Variants in INSC observed in about 807,000 individuals in gnomAD.
The protein encoded by INSC is INSC spindle orientation adaptor protein.
In INSC, 67 loss-of-function variants were observed where a neutral mutation model predicts 58.6. The observed-to-expected ratio is 1.14, with a 90% CI of 0.94 to 1.40. The LOEUF is 1.40. Ranked by LOEUF, INSC falls within the 40% of genes most tolerant of loss-of-function variation. INSC has a pLI of 0.00. For missense variants in INSC, 714 were observed against 692.0 expected (o/e 1.03, Z -0.36); for synonymous variants, 262 against 276.1 (o/e 0.95, Z 0.51).
intron 7 of INSC, among the ~76,000 whole-genome samples, chr11:15,210,753 C>G (rs75157945): frequency 0.057 from 8,599 of 151,844 alleles, 347 homozygotes; most frequent in African/African-American, 0.11. Flanking sequence ...TCTCAGCCAC[C>G]CCTGAGTGCT....
At chr11:15,239,317 G>T (rs1235375111) in intron 11 of INSC, among the ~76,000 whole-genome samples, 2 of 152,168 alleles carry the variant, frequency 1.3e-5, no homozygotes, top group East Asian at 3.9e-4. Context: ...TGACTCACCT[G>T]CAGACTGTTA....
rs1849644588 is a variant in INSC at position 15,178,335 on chromosome 11, T to G, written c.467T>G (p.Val156Gly). 8 of 1,613,856 alleles carry G rather than the reference T, an allele frequency of 5.0e-6. No individual in the cohort carries two copies. Among genetic ancestry groups the G allele is most frequent in the Non-Finnish European group, 6.8e-6 (8 of 1,179,998 alleles). Reference protein sequence around the residue: ...LSAVTERCLQVENEHVLKSMK... With the variant: ...LSAVTERCLQGENEHVLKSMK... ...TTTCTTCTCTTCAGGTGCCTTCAGG[T>G]TGAGAATGAGCATGTCCTGAAGTCA... Residue 156 changes from valine to glycine, a missense_variant, in exon 5 of 13, where the codon GTT becomes GGT. Val to Gly is a moderately radical substitution (Grantham distance 109). Transcript: ENST00000379556.
At chr11:15,204,972 T>C (rs1484753284) in intron 7 of INSC, among the ~76,000 whole-genome samples, 1 of 152,236 alleles carries the variant, frequency 6.6e-6, no homozygotes, top group African/African-American at 2.4e-5. Flanking sequence ...TGCTGTGTCA[T>C]GCCTGAGCCT....
At chr11:15,149,369 T>G in intron 2 of INSC, 139 bp downstream of exon 2, 1 of 830,338 alleles carries the variant, frequency 1.2e-6, no homozygotes, top group Non-Finnish European at 1.7e-6. Context: ...CATAAGGTAT[T>G]GGGGATGTCA....
chr11:15,138,381 A>G (rs555233809), intron 1 of INSC, among the ~76,000 whole-genome samples: 7 of 152,218 alleles, frequency 4.6e-5, no homozygotes, highest in African/African-American at 1.7e-4. Flanking sequence ...TTGTAAAAAA[A>G]AGAAAATAAA....
At chr11:15,265,955 A>G in the INSC span, among the ~76,000 whole-genome samples, 2 of 151,594 alleles carry the variant, frequency 1.3e-5, no homozygotes, top group African/African-American at 4.8e-5. Flanking sequence ...GAAATTTTCC[A>G]AGAGTCTTGT....
intron 1 of INSC, among the ~76,000 whole-genome samples, chr11:15,133,788 C>A (rs895121102): frequency 6.6e-6 from 1 of 152,168 alleles, no homozygotes; most frequent in African/African-American, 2.4e-5. Context: ...TACTTTTGGC[C>A]TCTCCAGATT....
intron 2 of INSC, among the ~76,000 whole-genome samples, chr11:15,173,580 G>GTT (rs757544675): frequency 3.4e-4 from 51 of 151,938 alleles, no homozygotes; most frequent in Admixed American, 2.6e-3. Flanking sequence ...GATTTAATGG[G>GTT]TTTCTCTCTC....
At chr11:15,188,543 T>C (rs1850055913) in intron 5 of INSC, among the ~76,000 whole-genome samples, 1 of 152,238 alleles carries the variant, frequency 6.6e-6, no homozygotes, top group South Asian at 2.1e-4. Context: ...ATTTAGGGCC[T>C]TGAAGATTTC....
chr11:15,248,338 AG>A (rs1260499679), downstream of INSC, among the ~76,000 whole-genome samples: 6 of 152,238 alleles, frequency 3.9e-5, no homozygotes, highest in Non-Finnish European at 7.3e-5. Flanking sequence ...GATCATATTA[AG>A]GTGCAATTTT....
chr11:15,218,817 A>C (rs893771840), intron 7 of INSC, among the ~76,000 whole-genome samples: 1 of 152,176 alleles, frequency 6.6e-6, no homozygotes, highest in African/African-American at 2.4e-5. Flanking sequence ...CTCCAATGCT[A>C]TCTTTTCCTA....
At chr11:15,188,341 T>C (rs2133855357) in intron 5 of INSC, 3 of 985,408 alleles carry the variant, frequency 3.0e-6, no homozygotes, top group Non-Finnish European at 3.6e-6. Context: ...CCAGGTGAGG[T>C]CCTGCCTACA....
At chr11:15,159,864 T>C (rs1168502548) in intron 2 of INSC, among the ~76,000 whole-genome samples, 1 of 152,198 alleles carries the variant, frequency 6.6e-6, no homozygotes, top group Non-Finnish European at 1.5e-5. Flanking sequence ...CCTCAATTAG[T>C]GCTATTATAA....
At chr11:15,149,797 C>T (rs993768867) in intron 2 of INSC, among the ~76,000 whole-genome samples, 2 of 152,152 alleles carry the variant, frequency 1.3e-5, no homozygotes, top group African/African-American at 4.8e-5. Flanking sequence ...TGTGGTAAGG[C>T]AGGTACAGGT....
intron 9 of INSC, among the ~76,000 whole-genome samples, chr11:15,233,680 T>C (rs1387797878): frequency 6.7e-6 from 1 of 149,890 alleles, no homozygotes; most frequent in Non-Finnish European, 1.5e-5. Context: ...GATTTCCTTT[T>C]CTTTTCCTAG....
chr11:15,223,658 C>T (rs920300418), intron 8 of INSC, among the ~76,000 whole-genome samples: 1 of 152,160 alleles, frequency 6.6e-6, no homozygotes, highest in Non-Finnish European at 1.5e-5. Context: ...TAGAAGGAAT[C>T]TTACAGCAAA....
In INSC at chr11:15,121,740, C is replaced by A. The variant is rs545744384; in HGVS notation, c.-46+6737C>A. On this transcript the variant is annotated intron_variant, in intron 1 of 12. Coordinates refer to ENST00000379556, the MANE Select transcript of INSC (RefSeq NM_001042536.3). ...AGTTGGCATTCTACTTTAAAAAAAT[C>A]TTTTCCCCACTCCCTCCCTTCCTAT... Among the ~76,000 whole-genome samples, 626 of 152,288 alleles carry A rather than the reference C, an allele frequency of 4.1e-3. 4 individuals are homozygous for A. The highest frequency in any genetic ancestry group is 7.6e-3 in the Non-Finnish European group (518 of 68,004).
chr11:15,122,521 C>T (rs1480816533), intron 1 of INSC, among the ~76,000 whole-genome samples: 1 of 152,204 alleles, frequency 6.6e-6, no homozygotes, highest in Admixed American at 6.5e-5. Flanking sequence ...TTCTGTAGTT[C>T]TTCATCCTAC....
At chr11:15,118,463 C>G (rs78576940) in intron 1 of INSC, among the ~76,000 whole-genome samples, 118 of 152,298 alleles carry the variant, frequency 7.7e-4, no homozygotes, top group African/African-American at 2.7e-3. Context: ...TCAGGCATTG[C>G]ATTGAGGTCC....
Sources: allele counts gnomAD v4.1 joint callset (sites outside exome capture counted in the v4.1 genomes callset), GRCh38; gene constraint gnomAD v4.1.1; transcripts MANE v1.5; gene names NCBI Gene and HGNC (gene_info 2026-07-23, HGNC 2026-07-21).